The following UNC13C variants were observed in gnomAD, a reference collection of about 807,000 sequenced individuals.
The protein encoded by UNC13C is unc-13 homolog C, also known as protein unc-13 homolog C.
UNC13C carries 174 observed loss-of-function variants against 245.4 expected under a neutral mutation model. That is an observed-to-expected ratio of 0.71 (90% CI 0.63 to 0.80). The LOEUF (loss-of-function observed/expected upper bound fraction) is 0.80. UNC13C is among the 30% of genes least tolerant of loss of function. UNC13C has a pLI of 0.00. For missense variants in UNC13C, 2,829 were observed against 2,602.9 expected (o/e 1.09, Z -1.89); for synonymous variants, 992 against 895.1 (o/e 1.11, Z -1.93).
At chr15:54,000,429 A>G (rs1188699719) in intron 1 of UNC13C, among the ~76,000 whole-genome samples, 1 of 152,198 alleles carries the variant, frequency 6.6e-6, no homozygotes, top group Non-Finnish European at 1.5e-5. Context: ...AAACTAAGTC[A>G]AATGAAAATG....
chr15:54,337,093 A>C lies in UNC13C; in HGVS notation c.4585-1268A>C, dbSNP rs183495819. On this transcript the variant is annotated intron_variant, in intron 16 of 32. Coordinates refer to ENST00000260323, the MANE Select transcript of UNC13C (RefSeq NM_001080534.3). The stretch of plus-strand genomic sequence containing the variant: ...GACTTTTACTCTCTCACTTCACCAA[A>C]AATAATTTGTCAACATCTCATGTTT... Among the ~76,000 whole-genome samples, 23 of 152,218 alleles carry C rather than the reference A, an allele frequency of 1.5e-4. No individual in the cohort carries two copies. The East Asian group carries it at 2.5e-3, about 17-fold the overall frequency.
chr15:54,620,823 A>G (rs1293430719), intron 30 of UNC13C, among the ~76,000 whole-genome samples: 1 of 151,562 alleles, frequency 6.6e-6, no homozygotes, highest in Admixed American at 6.6e-5. Context: ...AAAGCAGGCT[A>G]TAATCATGCC....
the UNC13C span, among the ~76,000 whole-genome samples, chr15:53,843,133 G>A: frequency 0.024 from 3,617 of 152,070 alleles, 143 homozygotes; most frequent in African/African-American, 0.083. Flanking sequence ...CAATGAATTG[G>A]GTCACCTATT....
At chr15:53,886,816 A>T in the UNC13C span, among the ~76,000 whole-genome samples, 2 of 152,272 alleles carry the variant, frequency 1.3e-5, no homozygotes, top group Non-Finnish European at 2.9e-5. Context: ...TGAAATTGAC[A>T]CTTTACCTCT....
At chr15:54,415,159 T>A in intron 19 of UNC13C, 92 bp downstream of exon 19, 2 of 896,544 alleles carry the variant, frequency 2.2e-6, no homozygotes, top group Non-Finnish European at 3.4e-6. Context: ...ATTGAAACAT[T>A]AAAACACTGA....
chr15:53,891,819 G>T, the UNC13C span, among the ~76,000 whole-genome samples: 4 of 152,142 alleles, frequency 2.6e-5, no homozygotes, highest in Non-Finnish European at 4.4e-5. Flanking sequence ...TATCCAATTT[G>T]CCAGTCTGTG....
intron 29 of UNC13C, among the ~76,000 whole-genome samples, chr15:54,559,424 GC>G (rs1418383417): frequency 6.6e-6 from 1 of 151,914 alleles, no homozygotes; most frequent in Non-Finnish European, 1.5e-5. Flanking sequence ...TACAAGTATA[GC>G]TTTTGCCTTG....
At chr15:54,018,889 G>C (rs188141636) in intron 2 of UNC13C, among the ~76,000 whole-genome samples, 2 of 151,858 alleles carry the variant, frequency 1.3e-5, no homozygotes, top group Admixed American at 1.3e-4. Context: ...AATATGTGTT[G>C]GATAAATGCC....
rs182911530 is a variant in UNC13C at position 54,440,516 on chromosome 15, C to T, written c.4933+25449C>T. Among the ~76,000 whole-genome samples, 16 of 152,040 alleles carry T rather than the reference C, an allele frequency of 1.1e-4. 1 individual carries two copies. The highest frequency in any genetic ancestry group is 9.8e-4 in the Admixed American group (15 of 15,232). The stretch of plus-strand genomic sequence containing the variant: ...TATTTTTTATGGCTGAGTAGTATTC[C>T]ATTGTGTATAAATACCACACCATCT... On this transcript the variant is annotated intron_variant, in intron 19 of 32. Transcript: ENST00000260323.
At chr15:54,446,823 C>G (rs1000958702) in intron 19 of UNC13C, among the ~76,000 whole-genome samples, 15 of 152,144 alleles carry the variant, frequency 9.9e-5, no homozygotes. Context: ...ACTTCCAACA[C>G]TATGTTGAAT....
the UNC13C span, among the ~76,000 whole-genome samples, chr15:53,854,277 T>C: frequency 6.6e-6 from 1 of 151,854 alleles, no homozygotes; most frequent in African/African-American, 2.4e-5. Context: ...CACACCACCA[T>C]GCCTGGCTAA....
At chr15:54,003,235 TCAAAA>T (rs1252864020) in intron 1 of UNC13C, among the ~76,000 whole-genome samples, 1 of 152,074 alleles carries the variant, frequency 6.6e-6, no homozygotes, top group Non-Finnish European at 1.5e-5. Context: ...AGGATAAAAA[TCAAAA>T]CAAAACAATA....
intron 4 of UNC13C, among the ~76,000 whole-genome samples, chr15:54,154,027 T>C (rs1448447356): frequency 1.3e-5 from 2 of 152,096 alleles, no homozygotes; most frequent in Non-Finnish European, 2.9e-5. Context: ...CTTAAACATT[T>C]TTCTTTATGC....
the UNC13C span, among the ~76,000 whole-genome samples, chr15:53,905,557 G>C: frequency 6.6e-5 from 10 of 152,014 alleles, no homozygotes; most frequent in Non-Finnish European, 5.9e-5. Flanking sequence ...TTCATATGTA[G>C]AATCTAAAAA....
chr15:54,101,406 C>T (rs1567014550), intron 2 of UNC13C, among the ~76,000 whole-genome samples: 1 of 152,094 alleles, frequency 6.6e-6, no homozygotes, highest in Non-Finnish European at 1.5e-5. Flanking sequence ...GTTCCTATTC[C>T]TTTCTCCATT....
chr15:54,483,670 AT>A (rs1344854664), intron 19 of UNC13C, among the ~76,000 whole-genome samples: 1 of 151,938 alleles, frequency 6.6e-6, no homozygotes, highest in East Asian at 1.9e-4. Flanking sequence ...TAATTTTTAT[AT>A]TTTTGGTAGA....
intron 4 of UNC13C, among the ~76,000 whole-genome samples, chr15:54,232,490 G>A (rs760306837): frequency 3.3e-5 from 5 of 152,078 alleles, no homozygotes; most frequent in Admixed American, 6.5e-5. Context: ...GGGTAAATAA[G>A]TTCGATTCAA....
chr15:54,452,497 C>A (rs1891234838), intron 19 of UNC13C, among the ~76,000 whole-genome samples: 2 of 152,154 alleles, frequency 1.3e-5, no homozygotes, highest in Non-Finnish European at 2.9e-5. Context: ...GGCCCATCTT[C>A]AGCTGCTGAG....
chr15:53,903,191 G>T, the UNC13C span, among the ~76,000 whole-genome samples: 1 of 152,196 alleles, frequency 6.6e-6, no homozygotes, highest in South Asian at 2.1e-4. Context: ...GAACTGCAAA[G>T]CTAATGCAGA....
Sources: gnomAD v4.1 joint callset for allele counts (sites outside exome capture counted in the v4.1 genomes callset) on GRCh38, gnomAD v4.1.1 for gene constraint, MANE v1.5 for transcripts, NCBI Gene and HGNC (gene_info 2026-07-23, HGNC 2026-07-21) for gene names.